The following TAFA2 variants were observed in gnomAD, a reference collection of about 807,000 sequenced individuals.
The protein encoded by TAFA2 is chemokine-like protein TAFA-2.
Under a neutral mutation model 18.8 loss-of-function variants are expected in TAFA2, and 7 were observed. That is an observed-to-expected ratio of 0.37 (90% CI 0.21 to 0.70). The LOEUF (loss-of-function observed/expected upper bound fraction) is 0.70, where lower values mean the gene tolerates loss of function less well. Among genes scored for constraint, TAFA2 ranks in the 30% least tolerant of loss-of-function variants. The pLI is 0.53. For missense variants in TAFA2, 122 were observed against 158.1 expected, an observed-to-expected ratio of 0.77 and a Z score of 1.23; for synonymous variants, 60 against 54.2, an observed-to-expected ratio of 1.11 and a Z score of -0.47.
At chr12:61,878,017 G>A in intron 1 of TAFA2, 2 of 451,040 alleles carry the variant, frequency 4.4e-6, no homozygotes, top group South Asian at 3.1e-5. Context: ...GATGAATTTG[G>A]AAACATGTTA....
At chr12:61,791,304 T>G (rs1420729629) in intron 2 of TAFA2, among the ~76,000 whole-genome samples, 1 of 151,742 alleles carries the variant, frequency 6.6e-6, no homozygotes, top group African/African-American at 2.4e-5. Flanking sequence ...GGCAAGAATT[T>G]TTTTATAAGA....
At chr12:61,801,003 G>C (rs1221247001) in intron 2 of TAFA2, among the ~76,000 whole-genome samples, 1 of 152,108 alleles carries the variant, frequency 6.6e-6, no homozygotes, top group African/African-American at 2.4e-5. Context: ...CAGTTGTAAA[G>C]AATGTCTAAG....
At chr12:61,956,875 T>C (rs1021008995) in intron 1 of TAFA2, among the ~76,000 whole-genome samples, 1 of 152,168 alleles carries the variant, frequency 6.6e-6, no homozygotes, top group African/African-American at 2.4e-5. Context: ...ATCTACAGTG[T>C]ATTTGCCTTT....
chr12:61,922,506 C>A (rs1439876557), intron 1 of TAFA2, among the ~76,000 whole-genome samples: 2 of 152,150 alleles, frequency 1.3e-5, no homozygotes, highest in Admixed American at 1.3e-4. Flanking sequence ...GTCGGGGAAC[C>A]CCCTCCCCTA....
chr12:61,846,459 TCTCA>T (rs1429527359), intron 2 of TAFA2, among the ~76,000 whole-genome samples: 4 of 152,120 alleles, frequency 2.6e-5, no homozygotes, highest in African/African-American at 9.7e-5. Context: ...GATACAGCAT[TCTCA>T]CTAACAAGAC....
chr12:61,761,535 A>C (rs1164813428), intron 2 of TAFA2, among the ~76,000 whole-genome samples: 1 of 152,028 alleles, frequency 6.6e-6, no homozygotes, highest in African/African-American at 2.4e-5. Flanking sequence ...TAATTTATAC[A>C]CTCCATAAAC....
At chr12:61,843,307 G>T (rs960330123) in intron 2 of TAFA2, among the ~76,000 whole-genome samples, 1 of 151,850 alleles carries the variant, frequency 6.6e-6, no homozygotes, top group Non-Finnish European at 1.5e-5. Flanking sequence ...AAACAAAGCT[G>T]GTGTACTGCT....
At chr12:61,881,414 G>T (rs906351062) in intron 1 of TAFA2, among the ~76,000 whole-genome samples, 2 of 152,114 alleles carry the variant, frequency 1.3e-5, no homozygotes, top group African/African-American at 4.8e-5. Context: ...TAACACAATG[G>T]TACTTGTGTG....
intron 1 of TAFA2, among the ~76,000 whole-genome samples, chr12:62,129,119 TTC>T (rs1405992684): frequency 6.6e-6 from 1 of 152,040 alleles, no homozygotes; most frequent in African/African-American, 2.4e-5. Flanking sequence ...GCAGGTATTT[TTC>T]TTTTTTATTT....
At chr12:61,721,842 C>A (rs1348875128) in intron 4 of TAFA2, among the ~76,000 whole-genome samples, 1 of 151,990 alleles carries the variant, frequency 6.6e-6, no homozygotes, top group Non-Finnish European at 1.5e-5. Flanking sequence ...CTGATCCCAG[C>A]TACTCTGGAG....
At chr12:62,210,584 T>C (rs997950469) in intron 1 of TAFA2, among the ~76,000 whole-genome samples, 1 of 152,356 alleles carries the variant, frequency 6.6e-6, no homozygotes, top group Non-Finnish European at 1.5e-5. Flanking sequence ...ACATGTTGTC[T>C]GTTTTATAGC....
intron 1 of TAFA2, among the ~76,000 whole-genome samples, chr12:62,054,942 A>G (rs1882148358): frequency 6.6e-6 from 1 of 152,204 alleles, no homozygotes; most frequent in Non-Finnish European, 1.5e-5. Context: ...TCATACATAT[A>G]GTAGGTTTTT....
At chr12:61,886,176 T>C (rs887474596) in intron 1 of TAFA2, among the ~76,000 whole-genome samples, 1 of 152,194 alleles carries the variant, frequency 6.6e-6, no homozygotes, top group African/African-American at 2.4e-5. Context: ...CCTCTTGTCA[T>C]TAGGTTCATA....
At chr12:62,187,888 C>G (rs1010150611) in intron 1 of TAFA2, among the ~76,000 whole-genome samples, 2 of 152,040 alleles carry the variant, frequency 1.3e-5, no homozygotes, top group Non-Finnish European at 2.9e-5. Context: ...TCTTCTCTTT[C>G]GATGGAATAA....
intron 2 of TAFA2, among the ~76,000 whole-genome samples, chr12:61,789,057 G>A (rs1352080846): frequency 1.3e-5 from 2 of 151,666 alleles, no homozygotes; most frequent in African/African-American, 4.8e-5. Flanking sequence ...TTGTCAGATG[G>A]ACAGATTGCA....
At chr12:62,088,320 AAC>A (rs1418898685) in intron 1 of TAFA2, among the ~76,000 whole-genome samples, 1 of 152,046 alleles carries the variant, frequency 6.6e-6, no homozygotes, top group Non-Finnish European at 1.5e-5. Flanking sequence ...GAAAAAAAAA[AAC>A]AAGGCAAATT....
chr12:62,021,958 G>T (rs1881155814), intron 1 of TAFA2: 2 of 703,856 alleles, frequency 2.8e-6, no homozygotes, highest in African/African-American at 1.7e-5. Flanking sequence ...CCTCCTCACA[G>T]CAAGCCCTCC....
chr12:62,027,472 C>CA (rs1450199148), intron 1 of TAFA2, among the ~76,000 whole-genome samples: 1 of 151,988 alleles, frequency 6.6e-6, no homozygotes, highest in Admixed American at 6.6e-5. Flanking sequence ...ACAAACAAAG[C>CA]AAAAAACATT....
chr12:62,199,522 C>T (rs1479157408), intron 1 of TAFA2, among the ~76,000 whole-genome samples: 1 of 152,040 alleles, frequency 6.6e-6, no homozygotes, highest in Non-Finnish European at 1.5e-5. Flanking sequence ...ATCCATTTCC[C>T]TGCAAAGGAC....
Sources: allele counts gnomAD v4.1 joint callset (sites outside exome capture counted in the v4.1 genomes callset), GRCh38; gene constraint gnomAD v4.1.1; transcripts MANE v1.5; gene names NCBI Gene and HGNC (gene_info 2026-07-23, HGNC 2026-07-21).